Variants in ASPSCR1 observed in about 807,000 individuals in gnomAD.
ASPSCR1 encodes the protein tether containing UBX domain for GLUT4.
Under a neutral mutation model 68.9 loss-of-function variants are expected in ASPSCR1, and 55 were observed. The observed-to-expected ratio is 0.80, with a 90% CI of 0.64 to 1.00. The LOEUF (loss-of-function observed/expected upper bound fraction) is 1.00, where lower values mean the gene tolerates loss of function less well. ASPSCR1 is among the 50% of genes least tolerant of loss of function. The pLI is 0.00. For missense variants in ASPSCR1, 765 were observed against 762.2 expected (o/e 1.00, Z -0.04); for synonymous variants, 352 against 332.6 (o/e 1.06, Z -0.63).
At position 81,983,918 on chromosome 17, in the gene ASPSCR1, C is replaced by T. The variant is rs895412679; in HGVS notation, c.273+250C>T. ...TGTCGCCCAGGCTGGAGCTCAGTGGCGCAGTCTCGGCTCACTTCAAGCTCC... is the reference window on the plus strand; with the variant it reads ...TGTCGCCCAGGCTGGAGCTCAGTGGTGCAGTCTCGGCTCACTTCAAGCTCC... On this transcript the variant is annotated intron_variant, in intron 3 of 15. Coordinates refer to ENST00000306739, the MANE Select transcript of ASPSCR1 (RefSeq NM_024083.4). This position sits in a 1 kb window ranked among gnomAD's most constrained non-coding sequence, Gnocchi z 4.4. Among the ~76,000 whole-genome samples, 10 of 151,128 alleles carry T rather than the reference C, an allele frequency of 6.6e-5. No homozygotes were observed. The highest frequency in any genetic ancestry group is 2.0e-4 in the East Asian group (1 of 5,118).
intron 2 of ASPSCR1, among the ~76,000 whole-genome samples, chr17:81,980,275 C>A (rs2041755130): frequency 6.6e-6 from 1 of 152,252 alleles, no homozygotes; most frequent in Non-Finnish European, 1.5e-5. Flanking sequence ...GTCACCATGC[C>A]TGCCCTTGAA....
chr17:82,010,761 G>A, intron 9 of ASPSCR1, 41 bp from the exon 10 acceptor site: 2 of 1,594,938 alleles, frequency 1.3e-6, no homozygotes, highest in Non-Finnish European at 1.7e-6. Flanking sequence ...CCCTGGTGCA[G>A]CTCCGGCCGT....
chr17:82,017,368 T>A lies in ASPSCR1; in HGVS notation c.*46T>A. 2 of 1,611,842 alleles carry A rather than the reference T, an allele frequency of 1.2e-6. No homozygotes were observed. The highest frequency in any genetic ancestry group is 2.2e-5 in the East Asian group (1 of 44,862). ...CCACTCCGCCAGCCACAGGACCACCTCCTCTGCCAGCAGGAATAAAGACTT... is the reference window on the plus strand; with the variant it reads ...CCACTCCGCCAGCCACAGGACCACCACCTCTGCCAGCAGGAATAAAGACTT... On this transcript the variant is annotated 3_prime_UTR_variant, in exon 16 of 16. Transcript: ENST00000306739.
intron 6 of ASPSCR1, 146 bp downstream of exon 6, chr17:81,996,211 C>T: frequency 7.5e-7 from 1 of 1,334,560 alleles, no homozygotes; most frequent in Non-Finnish European, 1.0e-6. Flanking sequence ...CTCTGCCTGC[C>T]TGTGGGCGTG....
rs371537189 is a variant in ASPSCR1 at position 81,996,693 on chromosome 17, G to C, written c.780G>C (p.Arg260Ser). ...QRLGGPPGPT[R>S]PLTSSSAKLP... Reference sequence around the variant, plus strand: ...TGGGGGGCCCTCCTGGGCCCACGAGGCCTCTGACATCATCTTCAGCTAAGT... The same window carrying C: ...TGGGGGGCCCTCCTGGGCCCACGAGCCCTCTGACATCATCTTCAGCTAAGT... Residue 260 changes from arginine (R) to serine (S), a missense_variant, in exon 7 of 16, where the codon AGG (arginine) becomes AGC (serine). Arg to Ser is a moderately radical substitution (Grantham distance 110). Coordinates refer to ENST00000306739, the MANE Select transcript of ASPSCR1 (RefSeq NM_024083.4). The C allele has an allele frequency of 6.2e-7, 1 of 1,613,454 alleles. No individual in the cohort carries two copies. Among genetic ancestry groups the C allele is most frequent in the African/African-American group, 1.3e-5 (1 of 75,052 alleles).
Position 82,010,785 on chromosome 17 carries a change from C to A in ASPSCR1, c.1171-17C>A. On this transcript the variant is annotated splice_polypyrimidine_tract_variant and intron_variant, in intron 9 of 15. Transcript: ENST00000306739. ...AGCTCCGGCCGTCCCTCCAACCCTT[C>A]CACTTGTCTGGCCTAGGTGGCTCTG... 1 of 1,612,438 alleles carries A rather than the reference C, an allele frequency of 6.2e-7. No homozygotes were observed. The highest frequency in any genetic ancestry group is 1.1e-5 in the South Asian group (1 of 91,080).
chr17:82,009,313 C>T (rs1236631241), intron 8 of ASPSCR1, 122 bp downstream of exon 8: 4 of 1,420,672 alleles, frequency 2.8e-6, no homozygotes, highest in Non-Finnish European at 1.9e-6. Context: ...GACAGGCTGC[C>T]CTTAACAGGA....
At chr17:82,014,931 G>A in intron 12 of ASPSCR1, 1 of 1,024,536 alleles carries the variant, frequency 9.8e-7, no homozygotes, top group Non-Finnish European at 1.4e-6. Flanking sequence ...CTCCCTGTCA[G>A]CCGAGGGAGC....
chr17:81,983,173 G>A lies in ASPSCR1; in HGVS notation c.159-381G>A, dbSNP rs563334890. On this transcript the variant is annotated intron_variant, in intron 2 of 15. Transcript: ENST00000306739. The surrounding 1 kb of genome is among the most constrained non-coding windows in gnomAD (Gnocchi z 4.4). ...CAGGTTTTCTGTGGTGGCTCCAGCC[G>A]TGACGGCCGGGGTCTGTGACACTCC... Among the ~76,000 whole-genome samples, 248 of 152,318 alleles carry A rather than the reference G, an allele frequency of 1.6e-3. No individual in the cohort carries two copies. Among genetic ancestry groups the A allele is most frequent in the African/African-American group, 5.6e-3 (234 of 41,576 alleles).
Position 82,015,447 on chromosome 17 carries a change from C to T in ASPSCR1, c.1354-1029C>T, listed in dbSNP as rs75356884. 2.5e-3 allele frequency: 3,601 copies of T among 1,450,686 alleles called. 64 individuals are homozygous for T. In the African/African-American group the frequency reaches 0.046, roughly 19 times the overall value. 89.9% of individuals were successfully genotyped at this position (1,450,686 alleles called of 1,614,324 possible). On this transcript the variant is annotated intron_variant, in intron 12 of 15. Transcript: ENST00000306739. ...TGGCTGCCAAGCCTACTTCCCTCTC[C>T]TGGTGTTCCCGAGTCCTGCCCGCCC...
intron 7 of ASPSCR1, chr17:82,008,752 C>T (rs1453057256): frequency 1.1e-5 from 4 of 366,024 alleles, no homozygotes; most frequent in Non-Finnish European, 4.9e-6. Flanking sequence ...ACTCCAGGGG[C>T]CATGTGCCCT....
At chr17:82,005,945 TGCTG>T (rs2042699491) in intron 7 of ASPSCR1, 1 of 152,340 alleles carries the variant, frequency 6.6e-6, no homozygotes, top group African/African-American at 2.4e-5. Context: ...CCTGGTGTGA[TGCTG>T]GCAGCTGGGA....
intron 1 of ASPSCR1, chr17:81,978,237 A>G (rs995395889): frequency 6.6e-6 from 1 of 152,234 alleles, no homozygotes; most frequent in African/African-American, 2.4e-5. Context: ...ATGTAAAAGT[A>G]TTGGCTGGGC....
chr17:82,016,663 A>G, intron 13 of ASPSCR1, 136 bp downstream of exon 13: 1 of 1,438,892 alleles, frequency 6.9e-7, no homozygotes, highest in East Asian at 2.5e-5. Flanking sequence ...CCCAGTAACC[A>G]CCTCCCCGAG....
chr17:81,981,114 C>T (rs1403821276), intron 2 of ASPSCR1, among the ~76,000 whole-genome samples: 1 of 152,246 alleles, frequency 6.6e-6, no homozygotes, highest in Non-Finnish European at 1.5e-5. Flanking sequence ...GGTTTCTTAT[C>T]AGGAAATACC....
intron 6 of ASPSCR1, 100 bp from the exon 7 acceptor site, chr17:81,996,320 A>G (rs1398574514): frequency 3.7e-6 from 5 of 1,350,622 alleles, no homozygotes; most frequent in African/African-American, 1.9e-5. Flanking sequence ...GGGGCGGGAG[A>G]GGGTGAGCCG....
intron 12 of ASPSCR1, chr17:82,012,940 C>T (rs2042999541): frequency 6.5e-6 from 1 of 153,158 alleles, no homozygotes; most frequent in South Asian, 2.1e-4. Context: ...CCTTCCGAAG[C>T]CCTCTGGCCT....
intron 7 of ASPSCR1, among the ~76,000 whole-genome samples, chr17:82,001,272 A>G (rs1302619858): frequency 6.6e-6 from 1 of 152,134 alleles, no homozygotes; most frequent in Non-Finnish European, 1.5e-5. Context: ...GTATTGGGCC[A>G]GGGGCTCCTG....
intron 2 of ASPSCR1, among the ~76,000 whole-genome samples, chr17:81,979,653 C>T (rs572589796): frequency 2.2e-3 from 331 of 152,236 alleles, no homozygotes; most frequent in African/African-American, 7.8e-3. Context: ...GGACATTGAC[C>T]CATCTTTTTT....
Sources: gnomAD v4.1 joint callset for allele counts (sites outside exome capture counted in the v4.1 genomes callset) on GRCh38, gnomAD v4.1.1 for gene constraint, Gnocchi (gnomAD v3.1) non-coding constraint, MANE v1.5 for transcripts, NCBI Gene and HGNC (gene_info 2026-07-23, HGNC 2026-07-21) for gene names.